HEXA: variants seen among roughly 807,000 people sequenced by gnomAD.
HEXA encodes the protein beta-hexosaminidase subunit alpha.
In HEXA, 54 loss-of-function variants were observed where a neutral mutation model predicts 73.3. The ratio of observed to expected loss-of-function variants is 0.74; its 90% CI spans 0.59 to 0.92. The LOEUF is 0.92. Among genes scored for constraint, HEXA ranks in the 40% least tolerant of loss-of-function variants. The pLI is 0.00. For synonymous variants in HEXA, 230 were observed against 246.9 expected (o/e 0.93, Z 0.64); for missense variants, 649 against 653.0 (o/e 0.99, Z 0.07).
In HEXA at chr15:72,343,801, C is replaced by CAG. The variant is rs2088576750; in HGVS notation, c.*274_*275dup. 9.5e-6 allele frequency: 4 copies of CAG among 422,916 alleles called. No individual in the cohort carries two copies. Among genetic ancestry groups the CAG allele is most frequent in the Non-Finnish European group, 1.8e-5 (4 of 224,764 alleles). 26.2% of individuals were successfully genotyped at this position (422,916 alleles called of 1,614,324 possible). ...TCCCAGCCCTCAACTTAAAAGACCTCAGGGGCAGACACTGACTCCAGCCTG... is the reference window on the plus strand; with the variant it reads ...TCCCAGCCCTCAACTTAAAAGACCTCAGAGGGGCAGACACTGACTCCAGCCTG... On this transcript the variant is annotated 3_prime_UTR_variant, in exon 14 of 14. Coordinates refer to ENST00000268097, the MANE Select transcript of HEXA (RefSeq NM_000520.6).
rs2140344454 is a variant in HEXA at position 72,375,760 on chromosome 15, C to G, written c.213G>C (p.Leu71=). The G allele has an allele frequency of 6.2e-7, 1 of 1,614,234 alleles. No homozygotes were observed. The highest frequency in any genetic ancestry group is 1.3e-5 in the African/African-American group (1 of 75,062). Residue 71 remains leucine (L), a synonymous_variant, in exon 1 of 14, where the codon CTG becomes CTC. Transcript: ENST00000268097. ...LDEAFQRYRD[L]LFGSGSWPRP... is the part of the protein sequence containing the mutation. ...GGGGCCAAGACCCGGAACCGAAAAG[C>G]AGGTCACGATAGCGCTGGAAGGCCT...
chr15:72,355,724 A>C lies in HEXA; in HGVS notation c.347-100T>G, dbSNP rs1467243842. 5 of 818,706 alleles carry C rather than the reference A, an allele frequency of 6.1e-6. No individual in the cohort carries two copies. In the East Asian group the frequency reaches 7.9e-5, roughly 13 times the overall value. The allele number at this position is 818,706 out of a possible 1,614,324, so 50.7% of individuals were successfully genotyped here. A position where few individuals can be genotyped will look rare whatever the true frequency, so the allele number is the denominator to read the frequency against. ...TAAATCACTGGACTAAAAAAAAAAA[A>C]CAGTAAGACCATATATTTTAAAAAA... is the stretch of plus-strand genomic sequence containing the variant. On this transcript the variant is annotated intron_variant, in intron 2 of 13. Coordinates refer to ENST00000268097, the MANE Select transcript of HEXA (RefSeq NM_000520.6).
In HEXA at chr15:72,349,117, A is replaced by AT. The variant is rs786204515; in HGVS notation, c.947dup (p.Tyr316Ter). 1.2e-6 allele frequency: 2 copies of AT among 1,614,160 alleles called. No individual in the cohort carries two copies. Among genetic ancestry groups the AT allele is most frequent in the Non-Finnish European group, 1.7e-6 (2 of 1,179,978 alleles). Residue 316 changes from tyrosine (Y) to a stop codon, truncating the protein, a stop_gained and frameshift_variant, in exon 8 of 14, where the codon TAT (tyrosine) becomes TAAT (stop). Coordinates refer to ENST00000268097, the MANE Select transcript of HEXA (RefSeq NM_000520.6). LOFTEE classifies it high-confidence loss of function. The stretch of plus-strand genomic sequence containing the variant: ...CAACCTCATCTCCTCCAAGATGAAG[A>AT]TAAAAATCTGGGAAGACAGAGCTGA... ...LEVSSVFPDF[Y>*]LHLGGDEVDF...
chr15:72,367,579 T>A (rs575870716), intron 1 of HEXA, among the ~76,000 whole-genome samples: 1 of 152,328 alleles, frequency 6.6e-6, no homozygotes, highest in Admixed American at 6.5e-5. Flanking sequence ...TTTAGTCACA[T>A]CACTTATCCT....
intron 6 of HEXA, 22 bp from the exon 7 acceptor site, chr15:72,350,672 T>G: frequency 6.2e-7 from 1 of 1,613,882 alleles, no homozygotes; most frequent in South Asian, 1.1e-5. Flanking sequence ...AAGACACCCT[T>G]CAGGTTCACA....
chr15:72,375,735 G>A lies in HEXA; in HGVS notation c.238C>T (p.Arg80Cys). ...TCCGACTCACCTGTGAGGTAAGGAC[G>A]GGGCCAAGACCCGGAACCGAAAAGC... ...DLLFGSGSWPRPYLTGKRHTL... is the reference protein window; with the variant it reads ...DLLFGSGSWPCPYLTGKRHTL... The change falls in exon 1 of 14, where the codon CGT (arginine) becomes TGT (cysteine). Residue 80 changes from arginine to cysteine, a missense_variant. Physicochemically the swap from Arg to Cys is radical, Grantham distance 180. Coordinates refer to ENST00000268097, the MANE Select transcript of HEXA (RefSeq NM_000520.6). The A allele has an allele frequency of 1.2e-6, 2 of 1,614,166 alleles. No individual in the cohort carries two copies. The highest frequency in any genetic ancestry group is 1.7e-6 in the Non-Finnish European group (2 of 1,180,032).
intron 6 of HEXA, 59 bp from the exon 7 acceptor site, chr15:72,350,709 A>T: frequency 1.2e-6 from 2 of 1,603,118 alleles, no homozygotes; most frequent in Non-Finnish European, 1.7e-6. Flanking sequence ...AGAGTAGAAG[A>T]TACTCAAAAT....
At position 72,351,190 on chromosome 15, in the gene HEXA, C is replaced by T; in HGVS notation, c.615G>A (p.Leu205=). 2 of 1,613,318 alleles carry T rather than the reference C, an allele frequency of 1.2e-6. No individual in the cohort carries two copies. The highest frequency in any genetic ancestry group is 4.5e-5 in the East Asian group (2 of 44,874). Residue 205 remains leucine, a synonymous_variant, in exon 6 of 14, where the codon CTG becomes CTA. Coordinates refer to ENST00000268097, the MANE Select transcript of HEXA (RefSeq NM_000520.6). ...CATATGGGAAGGAAGGATCATCTACCAGATGCCAGTGGAACACGTTCAATT... is the reference window on the plus strand; with the variant it reads ...CATATGGGAAGGAAGGATCATCTACTAGATGCCAGTGGAACACGTTCAATT... ...YNKLNVFHWH[L]VDDPSFPYES...
At chr15:72,363,641 C>G (rs953399259) in intron 1 of HEXA, among the ~76,000 whole-genome samples, 19 of 152,166 alleles carry the variant, frequency 1.2e-4, no homozygotes, top group African/African-American at 4.1e-4. Flanking sequence ...AGATTCTTCA[C>G]CCTCCACAGA....
intron 1 of HEXA, among the ~76,000 whole-genome samples, chr15:72,365,680 T>G (rs1039253457): frequency 6.6e-6 from 1 of 152,218 alleles, no homozygotes; most frequent in East Asian, 1.9e-4. Context: ...GAGTTTGATA[T>G]GAGGTAAGGA....
intron 1 of HEXA, 77 bp from the exon 2 acceptor site, chr15:72,356,694 T>C (rs1157625571): frequency 5.0e-6 from 8 of 1,597,450 alleles, no homozygotes; most frequent in Non-Finnish European, 6.8e-6. Flanking sequence ...CTAGCTCTAG[T>C]CCCTCAGCTC....
At chr15:72,362,807 G>C (rs1446124982) in intron 1 of HEXA, among the ~76,000 whole-genome samples, 1 of 152,056 alleles carries the variant, frequency 6.6e-6, no homozygotes, top group Non-Finnish European at 1.5e-5. Flanking sequence ...GTGCACAATA[G>C]CCTTTCCCTC....
intron 1 of HEXA, among the ~76,000 whole-genome samples, chr15:72,365,312 G>C (rs771901799): frequency 3.9e-5 from 6 of 152,084 alleles, no homozygotes; most frequent in Non-Finnish European, 8.8e-5. Flanking sequence ...TGTTAGCCAG[G>C]ATGGTCTAGA....
intron 7 of HEXA, among the ~76,000 whole-genome samples, chr15:72,349,867 G>A (rs112997392): frequency 0.056 from 8,545 of 152,116 alleles, 663 homozygotes; most frequent in African/African-American, 0.17. Flanking sequence ...GGGTTCAAGC[G>A]ATTCTCCTGC....
rs189856670 is a variant in HEXA, at chr15:72,346,053, A to C, written c.1421+182T>G. The C allele has an allele frequency of 6.5e-5, 41 of 634,940 alleles. No homozygotes were observed. In the African/African-American group the frequency reaches 7.1e-4, roughly 11 times the overall value. The allele number at this position is 634,940 out of a possible 1,614,324, so 39.3% of individuals were successfully genotyped here. On this transcript the variant is annotated intron_variant, in intron 12 of 13. Transcript: ENST00000268097. ...CCAAAGGGCAGCTGGAGGGATATAG[A>C]CGGAAGTCATGTGGAGAGTGAATAT...
At chr15:72,362,502 C>T (rs902607551) in intron 1 of HEXA, 87 of 455,584 alleles carry the variant, frequency 1.9e-4, no homozygotes, top group African/African-American at 1.6e-3. Flanking sequence ...TCAAAAAATG[C>T]ATATTTTATG....
chr15:72,346,347 C>G (rs777608468), intron 11 of HEXA, 22 bp from the exon 12 acceptor site: 1 of 1,599,616 alleles, frequency 6.3e-7, no homozygotes, highest in Non-Finnish European at 8.6e-7. Flanking sequence ...CAAGCAACAA[C>G]AGTCTGGTGA....
chr15:72,371,962 GA>G lies in HEXA; in HGVS notation c.253+3757del, dbSNP rs1483687325. On this transcript the variant is annotated intron_variant, in intron 1 of 13. Transcript: ENST00000268097. The stretch of plus-strand genomic sequence containing the variant: ...AATGGCATCCTCAGCAACTCACAGG[GA>G]TGTGCAGGTGAACATCAGACCAGGA... Among the ~76,000 whole-genome samples the G allele has an allele frequency of 3.3e-5, 5 of 152,294 alleles. No homozygotes were observed. The East Asian group carries it at 5.8e-4, about 18-fold the overall frequency.
chr15:72,354,935 A>G (rs962836406), intron 3 of HEXA: 4 of 156,160 alleles, frequency 2.6e-5, no homozygotes, highest in African/African-American at 4.8e-5. Flanking sequence ...ACTACTATTT[A>G]TCTTTTTTTT....
Sources: gnomAD v4.1 joint callset for allele counts (sites outside exome capture counted in the v4.1 genomes callset) on GRCh38, gnomAD v4.1.1 for gene constraint, MANE v1.5 for transcripts, NCBI Gene and HGNC (gene_info 2026-07-23, HGNC 2026-07-21) for gene names.